Variants in GRAMD4 observed in about 807,000 individuals in gnomAD.
GRAMD4 encodes GRAM domain-containing protein 4.
Under a neutral mutation model 83.9 loss-of-function variants are expected in GRAMD4, and 25 were observed. The ratio of observed to expected loss-of-function variants is 0.30; its 90% CI spans 0.22 to 0.42. GRAMD4 has a LOEUF of 0.42. Ranked by LOEUF, GRAMD4 falls within the 10% of genes least tolerant of loss-of-function variation. GRAMD4 has a pLI of 1.00. For missense variants in GRAMD4, 593 were observed against 788.7 expected (o/e 0.75, Z 2.97); for synonymous variants, 336 against 320.9 (o/e 1.05, Z -0.50).
chr22:46,626,639 CT>C (rs1321053333), intron 1 of GRAMD4, 111 bp from the exon 2 acceptor site: 6 of 635,888 alleles, frequency 9.4e-6, no homozygotes, highest in South Asian at 3.9e-5. Context: ...GGCGGGGTCT[CT>C]GGGTCGGGGT....
At chr22:46,664,140 G>A (rs200359105) in intron 8 of GRAMD4, 23 bp downstream of exon 8, 47 of 1,532,924 alleles carry the variant, frequency 3.1e-5, no homozygotes, top group East Asian at 6.7e-5. Flanking sequence ...TCCAGGGGCC[G>A]AGCAGGGTGG....
At position 46,678,366 on chromosome 22, in the gene GRAMD4, C is replaced by T; in HGVS notation, c.*1115C>T. On this transcript the variant is annotated 3_prime_UTR_variant, in exon 19 of 19. Coordinates refer to ENST00000406902, the MANE Select transcript of GRAMD4 (RefSeq NM_015124.5). ...GCGACAGCGTTCCCTCCCCCGCGTG[C>T]CTAGCCGGTGCCGGTCCGGGCACAG... is the stretch of plus-strand genomic sequence containing the variant. 1.0e-6 allele frequency: 1 copy of T among 985,150 alleles called. No individual in the cohort carries two copies. Among genetic ancestry groups the T allele is most frequent in the Non-Finnish European group, 1.2e-6 (1 of 829,662 alleles). 61.0% of individuals were successfully genotyped at this position (985,150 alleles called of 1,614,324 possible).
rs769091037 is a variant in GRAMD4, at chr22:46,672,958, G to A, written c.1200G>A (p.Pro400=). Residue 400 remains proline, a synonymous_variant, in exon 14 of 19, where the codon CCG becomes CCA. Coordinates refer to ENST00000406902, the MANE Select transcript of GRAMD4 (RefSeq NM_015124.5). This position sits in a 1 kb window ranked among gnomAD's most constrained non-coding sequence, Gnocchi z 4.7. ...TCTGGAGGAGTCTCCCCACCGACCCGCAGCTCAAGGAGCGCTCCAGCGCCG... is the reference window on the plus strand; with the variant it reads ...TCTGGAGGAGTCTCCCCACCGACCCACAGCTCAAGGAGCGCTCCAGCGCCG... ...YIIWRSLPTD[P]QLKERSSAAV... The A allele has an allele frequency of 3.2e-5, 52 of 1,608,862 alleles. No individual in the cohort carries two copies. Among genetic ancestry groups the A allele is most frequent in the Middle Eastern group, 3.3e-4 (2 of 6,082 alleles).
chr22:46,655,162 G>C (rs1416239076), intron 3 of GRAMD4, among the ~76,000 whole-genome samples: 1 of 152,030 alleles, frequency 6.6e-6, no homozygotes, highest in Non-Finnish European at 1.5e-5. Context: ...CCCGACCCTC[G>C]GCAAATCTGA....
chr22:46,677,404 G>C lies in GRAMD4; in HGVS notation c.*153G>C, dbSNP rs1385669532. 7.3e-7 allele frequency: 1 copy of C among 1,377,772 alleles called. No individual in the cohort carries two copies. Among genetic ancestry groups the C allele is most frequent in the Non-Finnish European group, 9.4e-7 (1 of 1,066,168 alleles). The allele number at this position is 1,377,772 out of a possible 1,614,324, so 85.3% of individuals were successfully genotyped here. On this transcript the variant is annotated 3_prime_UTR_variant, in exon 19 of 19. Coordinates refer to ENST00000406902, the MANE Select transcript of GRAMD4 (RefSeq NM_015124.5). ...GTGGTTCTATTGTGTTGACCTCTGC[G>C]TTTTATCGACCAAGAAGGGGCCAGG...
At chr22:46,609,648 G>C (rs886957497) in intron 1 of GRAMD4, among the ~76,000 whole-genome samples, 1 of 152,224 alleles carries the variant, frequency 6.6e-6, no homozygotes, top group Non-Finnish European at 1.5e-5. Flanking sequence ...CAGGGACACG[G>C]CACGCTGATG....
chr22:46,599,916 G>C (rs1025323374), intron 1 of GRAMD4, among the ~76,000 whole-genome samples: 1 of 152,188 alleles, frequency 6.6e-6, no homozygotes, highest in African/African-American at 2.4e-5. Flanking sequence ...TCCTGAGTCA[G>C]TGAGAATCCC....
chr22:46,621,012 G>A lies in GRAMD4; in HGVS notation c.-50+447G>A, dbSNP rs1368177388. On this transcript the variant is annotated intron_variant, in intron 1 of 18. Coordinates refer to ENST00000406902, the MANE Select transcript of GRAMD4 (RefSeq NM_015124.5). The surrounding 1 kb of genome is among the most constrained non-coding windows in gnomAD (Gnocchi z 5.8). ...GGGTGGGCCTGTAGGTGCAGGTGGA[G>A]GGGCTGGTCCTGGGGAGAGCGGCTG... Among the ~76,000 whole-genome samples, 1 of 152,094 alleles carries A rather than the reference G, an allele frequency of 6.6e-6. No individual in the cohort carries two copies. The highest frequency in any genetic ancestry group is 1.5e-5 in the Non-Finnish European group (1 of 67,996).
chr22:46,624,324 CTT>C (rs577618843), intron 1 of GRAMD4, among the ~76,000 whole-genome samples: 187 of 69,498 alleles, frequency 2.7e-3, no homozygotes, highest in African/African-American at 0.014. Context: ...TTCCCTCTTC[CTT>C]TTTTTTTTTT....
chr22:46,617,318 A>G (rs576323637), upstream of GRAMD4, among the ~76,000 whole-genome samples: 1 of 144,424 alleles, frequency 6.9e-6, no homozygotes, highest in Admixed American at 6.9e-5. Flanking sequence ...CCCTGTGTGT[A>G]CGTTCCCCTA....
At chr22:46,647,948 C>T (rs1007180713) in intron 3 of GRAMD4, among the ~76,000 whole-genome samples, 1 of 152,236 alleles carries the variant, frequency 6.6e-6, no homozygotes. Context: ...ATTCATCTAC[C>T]AACTGGAGTC....
Position 46,675,493 on chromosome 22 carries a change from T to C in GRAMD4, c.1504T>C (p.Ser502Pro), listed in dbSNP as rs2082583325. The change falls in exon 17 of 19, where the codon TCT (serine) becomes CCT (proline). Residue 502 changes from serine (S) to proline (P), a missense_variant. Coordinates refer to ENST00000406902, the MANE Select transcript of GRAMD4 (RefSeq NM_015124.5). ...ENYLCFESSK[S>P]GSSKRNKVIK... ...TTACTTGTGCTTCGAAAGCTCCAAA[T>C]CTGGGTCCTCAAAGAGGAACAAAGT... 1 of 1,613,098 alleles carries C rather than the reference T, an allele frequency of 6.2e-7. No individual in the cohort carries two copies. The highest frequency in any genetic ancestry group is 1.3e-5 in the African/African-American group (1 of 74,916).
At chr22:46,635,480 T>C (rs187552858) in intron 2 of GRAMD4, among the ~76,000 whole-genome samples, 232 of 10,862 alleles carry the variant, frequency 0.021, 1 homozygote, top group Middle Eastern at 0.036. Context: ...CCCCCACCCC[T>C]GGCCACTCCT....
rs779461057 is a variant in GRAMD4, at chr22:46,626,909, C to T, written c.110C>T (p.Pro37Leu). Residue 37 changes from proline (P) to leucine (L), a missense_variant, in exon 2 of 19, where the codon CCC becomes CTC. Physicochemically the swap from Pro to Leu is moderately conservative, Grantham distance 98. Transcript: ENST00000406902. ...ASDTECSDEI[P>L]LKVPRTSPRD... is the part of the protein sequence containing the mutation. ...GACACCGAATGCAGCGACGAAATCCCCCTGAAGGTACCGCGGACCTCGCCC... is the reference window on the plus strand; with the variant it reads ...GACACCGAATGCAGCGACGAAATCCTCCTGAAGGTACCGCGGACCTCGCCC... The T allele has an allele frequency of 5.0e-6, 8 of 1,614,176 alleles. No homozygotes were observed. Among genetic ancestry groups the T allele is most frequent in the South Asian group, 1.1e-5 (1 of 91,086 alleles).
chr22:46,602,092 G>A (rs1035053607), intron 1 of GRAMD4, among the ~76,000 whole-genome samples: 1 of 152,220 alleles, frequency 6.6e-6, no homozygotes, highest in African/African-American at 2.4e-5. Flanking sequence ...GGGGGTCCTC[G>A]CTCCTTGCGA....
chr22:46,604,135 T>C (rs762740458), intron 1 of GRAMD4, among the ~76,000 whole-genome samples: 1 of 152,226 alleles, frequency 6.6e-6, no homozygotes, highest in Non-Finnish European at 1.5e-5. Flanking sequence ...TTTCTGTTCA[T>C]GCGCCGTTAA....
intron 2 of GRAMD4, among the ~76,000 whole-genome samples, chr22:46,634,925 A>C (rs1276007309): frequency 6.6e-6 from 1 of 151,848 alleles, no homozygotes; most frequent in Non-Finnish European, 1.5e-5. Context: ...CCTGGGCGAC[A>C]GAGTGAGACT....
intron 2 of GRAMD4, among the ~76,000 whole-genome samples, chr22:46,630,493 A>G (rs1010591532): frequency 6.6e-6 from 1 of 152,092 alleles, no homozygotes; most frequent in African/African-American, 2.4e-5. Context: ...GATCTACCGC[A>G]TTCTCATGTG....
Position 46,644,697 on chromosome 22 carries a change from GTTTTTTTTTTTTTTTTT to G in GRAMD4, c.283+6758_283+6774del, listed in dbSNP as rs71192437. 1.4e-3 allele frequency among the ~76,000 whole-genome samples: 133 copies of G among 97,368 alleles called. 1 individual carries two copies. The highest frequency in any genetic ancestry group is 4.2e-3 in the African/African-American group (104 of 24,980). The allele number at this position is 97,368 out of a possible 152,430, so 63.9% of individuals were successfully genotyped here. Reference sequence around the variant, plus strand: ...TCATCCACTTGTCCACTTGTTCCCTGTTTTTTTTTTTTTTTTTTTTTTTTTTTTTTTTTTTTTACTTT... The same window carrying G: ...TCATCCACTTGTCCACTTGTTCCCTGTTTTTTTTTTTTTTTTTTTTACTTT... On this transcript the variant is annotated intron_variant, in intron 3 of 18. Coordinates refer to ENST00000406902, the MANE Select transcript of GRAMD4 (RefSeq NM_015124.5).
Sources: allele counts gnomAD v4.1 joint callset (sites outside exome capture counted in the v4.1 genomes callset), GRCh38; gene constraint gnomAD v4.1.1; non-coding constraint Gnocchi (gnomAD v3.1); transcripts MANE v1.5; gene names NCBI Gene and HGNC (gene_info 2026-07-23, HGNC 2026-07-21).